GPD1L: variants seen among roughly 807,000 people sequenced by gnomAD.
GPD1L encodes glycerol-3-phosphate dehydrogenase 1 like.
In GPD1L, 17 loss-of-function variants were observed where a neutral mutation model predicts 32.9. That is an observed-to-expected ratio of 0.52 (90% confidence interval 0.35 to 0.78). GPD1L has a LOEUF of 0.78. Among genes scored for constraint, GPD1L ranks in the 30% least tolerant of loss-of-function variants. GPD1L has a pLI of 0.01. For missense variants in GPD1L, 361 were observed against 447.8 expected, an observed-to-expected ratio of 0.81 and a Z score of 1.75; for synonymous variants, 187 against 165.9, an observed-to-expected ratio of 1.13 and a Z score of -0.98.
At chr3:32,111,610 G>T (rs1400761311) in intron 1 of GPD1L, among the ~76,000 whole-genome samples, 1 of 152,170 alleles carries the variant, frequency 6.6e-6, no homozygotes, top group African/African-American at 2.4e-5. Flanking sequence ...GTTTGGCCAA[G>T]GGGTAGAGAG....
In GPD1L at chr3:32,146,754, AG is replaced by A; in HGVS notation, c.618+22del. On this transcript the variant is annotated intron_variant, in intron 5 of 7. Coordinates refer to ENST00000282541, the MANE Select transcript of GPD1L (RefSeq NM_015141.4). ...CTTAAGGTAAAGTCAGCCTCAGGGG[AG>A]GAGTTCATCAAGCAAGGCAAATGTT... is the stretch of plus-strand genomic sequence containing the variant. 1 of 1,397,472 alleles carries A rather than the reference AG, an allele frequency of 7.2e-7. No homozygotes were observed. The highest frequency in any genetic ancestry group is 2.3e-5 in the East Asian group (1 of 43,772). The allele number at this position is 1,397,472 out of a possible 1,614,324, so 86.6% of individuals were successfully genotyped here. A position where few individuals can be genotyped will look rare whatever the true frequency, so the allele number is the denominator to read the frequency against.
intron 5 of GPD1L, 93 bp downstream of exon 5, chr3:32,146,827 AC>A: frequency 1.3e-6 from 1 of 799,436 alleles, no homozygotes; most frequent in Non-Finnish European, 2.2e-6. Context: ...TGTTCTGTGC[AC>A]CCACATCAGC....
At chr3:32,118,265 G>A (rs1700358459) in intron 1 of GPD1L, among the ~76,000 whole-genome samples, 1 of 152,196 alleles carries the variant, frequency 6.6e-6, no homozygotes, top group Admixed American at 6.5e-5. Context: ...AGATAGGCAA[G>A]TATGAAGAAC....
intron 5 of GPD1L, among the ~76,000 whole-genome samples, chr3:32,147,908 T>C (rs922756016): frequency 9.2e-5 from 14 of 152,024 alleles, no homozygotes; most frequent in Admixed American, 9.2e-4. Flanking sequence ...ATAATGAGCA[T>C]TTAAAAAAAT....
chr3:32,115,757 A>ATTT (rs1559568569), intron 1 of GPD1L, among the ~76,000 whole-genome samples: 1 of 75,854 alleles, frequency 1.3e-5, no homozygotes, highest in Non-Finnish European at 3.4e-5. Context: ...TGTACGTTGA[A>ATTT]CTTTTTTTTT....
At chr3:32,139,651 C>A (rs1306402514) in intron 3 of GPD1L, among the ~76,000 whole-genome samples, 1 of 152,138 alleles carries the variant, frequency 6.6e-6, no homozygotes, top group East Asian at 1.9e-4. Flanking sequence ...TGAAGGCAAA[C>A]CAGAGCAACC....
At chr3:32,139,957 G>T (rs116105146) in intron 3 of GPD1L, among the ~76,000 whole-genome samples, 2 of 152,202 alleles carry the variant, frequency 1.3e-5, no homozygotes, top group African/African-American at 4.8e-5. Flanking sequence ...GGTTCACCCT[G>T]GGGAGCAGGG....
chr3:32,162,219 G>C (rs1575123648), intron 7 of GPD1L, among the ~76,000 whole-genome samples: 1 of 152,236 alleles, frequency 6.6e-6, no homozygotes, highest in East Asian at 1.9e-4. Flanking sequence ...CACATTCAGA[G>C]GCCTCCTGCT....
At chr3:32,128,414 G>A (rs994535784) in intron 2 of GPD1L, among the ~76,000 whole-genome samples, 161 bp downstream of exon 2, 2 of 152,092 alleles carry the variant, frequency 1.3e-5, no homozygotes, top group Admixed American at 6.5e-5. Flanking sequence ...CTGAAAATGG[G>A]TTTCCTATTA....
At chr3:32,155,130 A>T (rs1700970286) in intron 5 of GPD1L, among the ~76,000 whole-genome samples, 1 of 152,080 alleles carries the variant, frequency 6.6e-6, no homozygotes, top group Admixed American at 6.6e-5. Context: ...TTTTTGACCG[A>T]GGTTGGAGGA....
At chr3:32,122,329 C>A (rs983216694) in intron 1 of GPD1L, among the ~76,000 whole-genome samples, 1 of 152,200 alleles carries the variant, frequency 6.6e-6, no homozygotes, top group African/African-American at 2.4e-5. Flanking sequence ...CGTAGATGGA[C>A]AGCATGACTT....
rs796442426 is a variant in GPD1L at position 32,140,157 on chromosome 3, G to C, written c.367-71G>C. 5.3e-6 allele frequency: 8 copies of C among 1,512,088 alleles called. No homozygotes were observed. In the African/African-American group the frequency reaches 1.1e-4, roughly 21 times the overall value. 93.7% of individuals were successfully genotyped at this position (1,512,088 alleles called of 1,614,324 possible). ...GACATTTTTCAAGTTGTGTAGCCAT[G>C]GGACATCTACTATCCCATGCCTCTT... On this transcript the variant is annotated intron_variant, in intron 3 of 7. Transcript: ENST00000282541.
At position 32,166,989 on chromosome 3, in the gene GPD1L, G is replaced by A. The variant is rs566136741; in HGVS notation, c.*1079G>A. 1 of 152,192 alleles carries A rather than the reference G, an allele frequency of 6.6e-6. No individual in the cohort carries two copies. Among genetic ancestry groups the A allele is most frequent in the South Asian group, 2.1e-4 (1 of 4,818 alleles). The allele number at this position is 152,192 out of a possible 1,614,324, so 9.4% of individuals were successfully genotyped here. ...GTGCAGCAGCATCAGCTTCACTTGT[G>A]GGGGGGTGGGGGAAGGGGCGGTCTC... On this transcript the variant is annotated 3_prime_UTR_variant, in exon 8 of 8. Transcript: ENST00000282541.
At position 32,142,951 on chromosome 3, in the gene GPD1L, A is replaced by C. The variant is rs545828469; in HGVS notation, c.505+2585A>C. ...AGTAGCTCTCGTGAGGCTAAAGCCGAGGATCTTCTGAGGCCAAGAGTTTGA... is the reference window on the plus strand; with the variant it reads ...AGTAGCTCTCGTGAGGCTAAAGCCGCGGATCTTCTGAGGCCAAGAGTTTGA... On this transcript the variant is annotated intron_variant, in intron 4 of 7. Transcript: ENST00000282541. Among the ~76,000 whole-genome samples, 18 of 152,272 alleles carry C rather than the reference A, an allele frequency of 1.2e-4. No homozygotes were observed. The South Asian group carries it at 3.1e-3, about 26-fold the overall frequency.
chr3:32,159,088 G>A lies in GPD1L; in HGVS notation c.831G>A (p.Glu277=). Reference sequence around the variant, plus strand: ...GAGGGCGGAACCGCAGGGTGGCCGAGGCCTTCGCCAGAACTGGGAAGGTAG... The same window carrying A: ...GAGGGCGGAACCGCAGGGTGGCCGAAGCCTTCGCCAGAACTGGGAAGGTAG... ...CYGGRNRRVA[E]AFARTGKTIE... Residue 277 remains glutamate, a synonymous_variant, in exon 6 of 8, where the codon GAG becomes GAA. Coordinates refer to ENST00000282541, the MANE Select transcript of GPD1L (RefSeq NM_015141.4). 1 of 1,613,656 alleles carries A rather than the reference G, an allele frequency of 6.2e-7. No individual in the cohort carries two copies. Among genetic ancestry groups the A allele is most frequent in the South Asian group, 1.1e-5 (1 of 91,078 alleles).
chr3:32,111,131 G>T (rs922120714), intron 1 of GPD1L, among the ~76,000 whole-genome samples: 5 of 152,196 alleles, frequency 3.3e-5, no homozygotes, highest in Non-Finnish European at 7.3e-5. Flanking sequence ...CTCCCAAAGT[G>T]CTGGGATTAT....
chr3:32,133,775 T>A (rs1031720250), intron 2 of GPD1L, among the ~76,000 whole-genome samples: 1 of 152,222 alleles, frequency 6.6e-6, no homozygotes, highest in Non-Finnish European at 1.5e-5. Flanking sequence ...TGGCTGCAGA[T>A]AAGATGTTGC....
intron 1 of GPD1L, among the ~76,000 whole-genome samples, chr3:32,115,272 T>G (rs888459411): frequency 6.6e-6 from 1 of 152,128 alleles, no homozygotes; most frequent in Non-Finnish European, 1.5e-5. Context: ...AGACACAGAG[T>G]GCTGACTGGT....
intron 5 of GPD1L, among the ~76,000 whole-genome samples, chr3:32,156,760 T>C (rs75427109): frequency 6.6e-6 from 1 of 152,228 alleles, no homozygotes; most frequent in African/African-American, 2.4e-5. Context: ...GCCTGTGTAC[T>C]AGAGAAGACA....
Sources: gnomAD v4.1 joint callset for allele counts (sites outside exome capture counted in the v4.1 genomes callset) on GRCh38, gnomAD v4.1.1 for gene constraint, MANE v1.5 for transcripts, NCBI Gene and HGNC (gene_info 2026-07-23, HGNC 2026-07-21) for gene names.